The following NPY2R variants were observed in gnomAD, a reference collection of about 807,000 sequenced individuals.
NPY2R encodes neuropeptide Y receptor Y2.
A neutral mutation model predicts 22.3 loss-of-function variants in NPY2R; 17 were observed. That is an observed-to-expected ratio of 0.76 (90% CI 0.52 to 1.14). The LOEUF (loss-of-function observed/expected upper bound fraction) is 1.14, where lower values mean the gene tolerates loss of function less well. NPY2R is among the 50% of genes most tolerant of loss of function. The pLI is 0.00. For missense variants in NPY2R, 424 were observed against 467.9 expected, an observed-to-expected ratio of 0.91 and a Z score of 0.87; for synonymous variants, 209 against 183.4, an observed-to-expected ratio of 1.14 and a Z score of -1.13.
At chr4:155,185,958 C>T in the NPY2R span, among the ~76,000 whole-genome samples, 12 of 152,142 alleles carry the variant, frequency 7.9e-5, no homozygotes, top group East Asian at 5.8e-4. Flanking sequence ...CATGTTTACA[C>T]GTCTGAAAAG....
chr4:155,215,135 A>T lies in NPY2R; in HGVS notation c.*50A>T. 6.6e-7 allele frequency: 1 copy of T among 1,507,728 alleles called. No homozygotes were observed. The highest frequency in any genetic ancestry group is 1.7e-5 in the Admixed American group (1 of 59,682). 93.4% of individuals were successfully genotyped at this position (1,507,728 alleles called of 1,614,324 possible). ...GGATGAATTCTGACCAGAGCTATGA[A>T]TCTGGTTGATGGCGGCTCACAAGTG... is the stretch of plus-strand genomic sequence containing the variant. On this transcript the variant is annotated 3_prime_UTR_variant, in exon 2 of 2. Transcript: ENST00000329476.
the NPY2R span, among the ~76,000 whole-genome samples, chr4:155,197,785 C>CT: frequency 6.6e-6 from 1 of 151,854 alleles, no homozygotes; most frequent in African/African-American, 2.4e-5. Context: ...TGGTGCCCCC[C>CT]AGGCCAAAAG....
the NPY2R span, among the ~76,000 whole-genome samples, chr4:155,179,481 C>A: frequency 6.6e-6 from 1 of 152,122 alleles, no homozygotes; most frequent in Non-Finnish European, 1.5e-5. Context: ...GTAGTCACTA[C>A]CCTTGGGTTT....
Position 155,213,956 on chromosome 4 carries a change from C to A in NPY2R, c.17C>A (p.Ala6Glu). Reference protein sequence around the residue: MGPIGAEADENQTVEE... With the variant: MGPIGEEADENQTVEE... ...GTACTGAAAATGGGTCCAATAGGTG[C>A]AGAGGCTGATGAGAACCAGACAGTG... The change falls in exon 2 of 2, where the codon GCA (alanine) becomes GAA (glutamate). Residue 6 changes from alanine (A) to glutamate (E), a missense_variant. Physicochemically the swap from Ala to Glu is moderately radical, Grantham distance 107 (BLOSUM62 -1). Coordinates refer to ENST00000329476, the MANE Select transcript of NPY2R (RefSeq NM_000910.4). The A allele has an allele frequency of 6.2e-7, 1 of 1,613,880 alleles. No individual in the cohort carries two copies. Among genetic ancestry groups the A allele is most frequent in the Non-Finnish European group, 8.5e-7 (1 of 1,179,988 alleles).
chr4:155,179,607 A>G, the NPY2R span, among the ~76,000 whole-genome samples: 14 of 152,166 alleles, frequency 9.2e-5, no homozygotes, highest in Non-Finnish European at 1.6e-4. Context: ...CTGCCCCGGT[A>G]TGAACTCTTG....
chr4:155,177,731 C>G, the NPY2R span, among the ~76,000 whole-genome samples: 1 of 151,978 alleles, frequency 6.6e-6, no homozygotes, highest in Non-Finnish European at 1.5e-5. Context: ...TCATACCTCC[C>G]CAGCTTGTGC....
At chr4:155,207,837 TTG>T (rs898420722), upstream of NPY2R, 2 of 147,750 alleles carry the variant, frequency 1.4e-5, no homozygotes, top group Non-Finnish European at 3.0e-5. Flanking sequence ...GAGAGAGAGA[TTG>T]TGTTTTATTC....
At chr4:155,193,784 T>C in the NPY2R span, among the ~76,000 whole-genome samples, 6 of 152,058 alleles carry the variant, frequency 3.9e-5, no homozygotes, top group African/African-American at 1.4e-4. Context: ...GAGAAACATT[T>C]ATTGACATCT....
upstream of NPY2R, among the ~76,000 whole-genome samples, chr4:155,204,367 G>A (rs1049341645): frequency 1.3e-5 from 2 of 152,030 alleles, no homozygotes; most frequent in African/African-American, 4.8e-5. Flanking sequence ...AACACTTTAC[G>A]TGGACTCCAT....
Position 155,215,418 on chromosome 4 carries a change from C to T in NPY2R, c.*333C>T, listed in dbSNP as rs764580845. 1.6e-4 allele frequency: 62 copies of T among 399,878 alleles called. No individual in the cohort carries two copies. Among genetic ancestry groups the T allele is most frequent in the Non-Finnish European group, 2.5e-4 (51 of 203,228 alleles). 24.8% of individuals were successfully genotyped at this position (399,878 alleles called of 1,614,324 possible). A position where few individuals can be genotyped will look rare whatever the true frequency, so the allele number is the denominator to read the frequency against. ...GTATTATCAAAGCATTGCTGAGAGA[C>T]GGTGGGAAAATAAGTTGACTTTCAA... On this transcript the variant is annotated 3_prime_UTR_variant, in exon 2 of 2. Coordinates refer to ENST00000329476, the MANE Select transcript of NPY2R (RefSeq NM_000910.4).
chr4:155,195,455 C>T, the NPY2R span, among the ~76,000 whole-genome samples: 5 of 152,028 alleles, frequency 3.3e-5, no homozygotes, highest in Admixed American at 3.3e-4. Flanking sequence ...GAACACCAGA[C>T]AATTTTGATG....
At chr4:155,187,409 T>C in the NPY2R span, among the ~76,000 whole-genome samples, 2 of 152,268 alleles carry the variant, frequency 1.3e-5, no homozygotes, top group East Asian at 1.9e-4. Flanking sequence ...TTGTCGCCGT[T>C]ATTGAGGAAT....
chr4:155,177,965 A>G, the NPY2R span, among the ~76,000 whole-genome samples: 1 of 152,166 alleles, frequency 6.6e-6, no homozygotes, highest in Non-Finnish European at 1.5e-5. Flanking sequence ...CTCATATGGC[A>G]TTTCTGCTTA....
At chr4:155,185,123 T>A in the NPY2R span, among the ~76,000 whole-genome samples, 3 of 151,064 alleles carry the variant, frequency 2.0e-5, no homozygotes, top group South Asian at 6.3e-4. Flanking sequence ...CACTGCAAAC[T>A]CCACCTCCCA....
chr4:155,183,180 A>C, the NPY2R span, among the ~76,000 whole-genome samples: 2 of 152,140 alleles, frequency 1.3e-5, no homozygotes, highest in Non-Finnish European at 2.9e-5. Flanking sequence ...GTTAAAAGCA[A>C]TTCTGTGGCC....
the NPY2R span, among the ~76,000 whole-genome samples, chr4:155,184,696 T>C: frequency 6.6e-6 from 1 of 152,146 alleles, no homozygotes; most frequent in Non-Finnish European, 1.5e-5. Context: ...GTTTTCTTTG[T>C]CATATCTGAA....
chr4:155,209,656 ATG>A (rs1348058191), intron 1 of NPY2R, among the ~76,000 whole-genome samples: 1 of 152,292 alleles, frequency 6.6e-6, no homozygotes, highest in Admixed American at 6.5e-5. Flanking sequence ...CATGTCTTGT[ATG>A]TAGCATTCTT....
chr4:155,196,084 T>C, the NPY2R span, among the ~76,000 whole-genome samples: 2 of 152,142 alleles, frequency 1.3e-5, no homozygotes, highest in East Asian at 3.9e-4. Flanking sequence ...CATGATAATA[T>C]GGTCTTCAGA....
chr4:155,203,040 T>C, the NPY2R span, among the ~76,000 whole-genome samples: 1 of 152,144 alleles, frequency 6.6e-6, no homozygotes, highest in Non-Finnish European at 1.5e-5. Context: ...TAGATTTGGT[T>C]CCTTACTAGT....
Sources: gnomAD v4.1 joint callset for allele counts (sites outside exome capture counted in the v4.1 genomes callset) on GRCh38, gnomAD v4.1.1 for gene constraint, MANE v1.5 for transcripts, NCBI Gene and HGNC (gene_info 2026-07-23, HGNC 2026-07-21) for gene names.